ZIM2: variants seen among roughly 807,000 people sequenced by gnomAD.
The protein encoded by ZIM2 is zinc finger imprinted 2.
ZIM2 carries 14 observed loss-of-function variants against 38.6 expected under a neutral mutation model. The observed-to-expected ratio is 0.36, with a 90% CI of 0.24 to 0.57. The LOEUF (loss-of-function observed/expected upper bound fraction) is 0.57, where lower values mean the gene tolerates loss of function less well. ZIM2 is among the 20% of genes least tolerant of loss of function. ZIM2 has a pLI of 0.81. For synonymous variants in ZIM2, 247 were observed against 245.8 expected (o/e 1.00, Z -0.04); for missense variants, 680 against 695.1 (o/e 0.98, Z 0.24).
rs147031911 is a variant in ZIM2 at position 56,817,815 on chromosome 19, C to T, written c.421G>A (p.Gly141Ser). The T allele has an allele frequency of 1.9e-6, 3 of 1,613,932 alleles. No individual in the cohort carries two copies. Among genetic ancestry groups the T allele is most frequent in the African/African-American group, 1.3e-5 (1 of 74,888 alleles). The change falls in exon 9 of 13, where the codon GGC becomes AGC. Residue 141 changes from glycine (G) to serine (S), a missense_variant. Physicochemically the swap from Gly to Ser is moderately conservative, Grantham distance 56. Coordinates refer to ENST00000629319, the MANE Select transcript of ZIM2 (RefSeq NM_001387356.1). ...TGGCCCTGCGTCATGTGGGAGTGGC[C>T]ATCGTCTTCAGCAAGCTGCACTCCT... is the stretch of plus-strand genomic sequence containing the variant. ...SLGVQLAEDD[G>S]HSHMTQGHSS...
At chr19:56,789,162 A>G (rs1290955976) in intron 10 of ZIM2, among the ~76,000 whole-genome samples, 1 of 152,150 alleles carries the variant, frequency 6.6e-6, no homozygotes, top group African/African-American at 2.4e-5. Flanking sequence ...TAAATATGAA[A>G]CATTGCATCC....
At chr19:56,815,424 G>A (rs2146171489) in intron 9 of ZIM2, 1 of 1,614,110 alleles carries the variant, frequency 6.2e-7, no homozygotes, top group Non-Finnish European at 8.5e-7. Flanking sequence ...AGCTGCGAAT[G>A]ACAGACCATT....
In ZIM2 at chr19:56,782,101, T is replaced by TA. The variant is rs779487678; in HGVS notation, c.590dup (p.Leu197PhefsTer8). The stretch of plus-strand genomic sequence containing the variant: ...ACTCCTCAAACACCAGAAATGTTCC[T>TA]AAGTGTTTGAAGTCCGGGAACTATC... On this transcript the variant is annotated frameshift_variant, in exon 11 of 13. Coordinates refer to ENST00000629319, the MANE Select transcript of ZIM2 (RefSeq NM_001387356.1). LOFTEE classifies it high-confidence loss of function. The TA allele has an allele frequency of 6.2e-7, 1 of 1,613,832 alleles. No individual in the cohort carries two copies. Among genetic ancestry groups the TA allele is most frequent in the Admixed American group, 1.7e-5 (1 of 60,012 alleles).
rs1269616845 is a variant in ZIM2 at position 56,810,732 on chromosome 19, A to T, written c.490+7014T>A. ...TTTAAGACTTTATGCACACATATTTAACACTGTTATCACAAGCGTGTGCAC... is the reference window on the plus strand; with the variant it reads ...TTTAAGACTTTATGCACACATATTTTACACTGTTATCACAAGCGTGTGCAC... On this transcript the variant is annotated intron_variant, in intron 9 of 12. Transcript: ENST00000629319. 3.0e-6 allele frequency: 3 copies of T among 983,986 alleles called. No homozygotes were observed. The East Asian group carries it at 3.4e-4, about 111-fold the overall frequency. The allele number at this position is 983,986 out of a possible 1,614,324, so 61.0% of individuals were successfully genotyped here.
chr19:56,815,540 GC>G, intron 9 of ZIM2: 1 of 1,614,036 alleles, frequency 6.2e-7, no homozygotes, highest in Non-Finnish European at 8.5e-7. Flanking sequence ...CATTCATAGA[GC>G]ATCCCTCGAG....
At chr19:56,820,116 A>T (rs1332937270) in intron 7 of ZIM2, among the ~76,000 whole-genome samples, 2 of 152,246 alleles carry the variant, frequency 1.3e-5, no homozygotes, top group Non-Finnish European at 2.9e-5. Context: ...TTGTGTTTGT[A>T]ATCAACAATG....
chr19:56,824,979 TG>T (rs2060880497), intron 3 of ZIM2: 1 of 263,976 alleles, frequency 3.8e-6, no homozygotes, highest in Admixed American at 4.7e-5. Context: ...CTTGGGACTG[TG>T]GGCAACTTGT....
rs556435823 is a variant in ZIM2 at position 56,836,567 on chromosome 19, G to T, written c.-313-463C>A. Reference sequence around the variant, plus strand: ...AGTCCCACTGCACCTCAGAGTATGTGTTCAATCAATTAGAGGTCCCTGGGG... The same window carrying T: ...AGTCCCACTGCACCTCAGAGTATGTTTTCAATCAATTAGAGGTCCCTGGGG... On this transcript the variant is annotated intron_variant, in intron 1 of 12. Coordinates refer to ENST00000629319, the MANE Select transcript of ZIM2 (RefSeq NM_001387356.1). Among the ~76,000 whole-genome samples the T allele has an allele frequency of 1.7e-3, 265 of 152,298 alleles. 2 individuals are homozygous for T. The highest frequency in any genetic ancestry group is 6.0e-3 in the African/African-American group (251 of 41,558).
chr19:56,821,658 C>G lies in ZIM2; in HGVS notation c.287G>C (p.Arg96Pro), dbSNP rs138565582. The change falls in exon 7 of 13, where the codon CGA becomes CCA. Residue 96 changes from arginine to proline, a missense_variant. By Grantham distance (103) the Arg-to-Pro change is moderately radical (BLOSUM62 -2). Transcript: ENST00000629319. ...DDRDSRAYES[R>P]SQDAESYQNV... ...GAGGAAACCTGAGCATACCTGAGAT[C>G]GGGACTCATAAGCCCTGGAGTCCCT... is the stretch of plus-strand genomic sequence containing the variant. 2,291 of 1,613,858 alleles carry G rather than the reference C, an allele frequency of 1.4e-3. 4 individuals are homozygous for G. The highest frequency in any genetic ancestry group is 2.6e-3 in the Admixed American group (159 of 60,012).
intron 2 of ZIM2, among the ~76,000 whole-genome samples, chr19:56,832,213 C>T (rs1476844809): frequency 2.0e-5 from 3 of 152,200 alleles, no homozygotes; most frequent in Admixed American, 6.5e-5. Context: ...ATTACTGTTT[C>T]CTAGCGTGTT....
At chr19:56,803,591 G>A (rs1258232389) in intron 9 of ZIM2, among the ~76,000 whole-genome samples, 1 of 152,230 alleles carries the variant, frequency 6.6e-6, no homozygotes, top group Non-Finnish European at 1.5e-5. Flanking sequence ...GGGCTATTTG[G>A]AAGGAAAGGG....
chr19:56,774,635 C>G lies in ZIM2; in HGVS notation c.*53G>C. 1.3e-6 allele frequency: 2 copies of G among 1,578,006 alleles called. No individual in the cohort carries two copies. The highest frequency in any genetic ancestry group is 1.7e-6 in the Non-Finnish European group (2 of 1,161,372). ...AAGGCCTTCTCACACTCACAACACT[C>G]TAGGAGGAAGCCAATAATGTTGAGA... On this transcript the variant is annotated 3_prime_UTR_variant, in exon 13 of 13. Transcript: ENST00000629319.
chr19:56,836,537 G>T (rs1275761082), intron 1 of ZIM2, among the ~76,000 whole-genome samples: 1 of 152,180 alleles, frequency 6.6e-6, no homozygotes, highest in Non-Finnish European at 1.5e-5. Context: ...ATAGGACATA[G>T]TCCAAGTCCC....
chr19:56,812,021 G>A, intron 9 of ZIM2: 8 of 984,634 alleles, frequency 8.1e-6, no homozygotes, highest in Non-Finnish European at 9.6e-6. Context: ...CCCTAATCCT[G>A]CAGATCCAGA....
chr19:56,790,859 G>A (rs571542548), intron 9 of ZIM2, among the ~76,000 whole-genome samples: 2 of 152,196 alleles, frequency 1.3e-5, no homozygotes, highest in Admixed American at 6.5e-5. Context: ...ACATATGTAA[G>A]GCACACAGTA....
At chr19:56,831,820 A>G (rs2061593906) in intron 2 of ZIM2, among the ~76,000 whole-genome samples, 1 of 152,230 alleles carries the variant, frequency 6.6e-6, no homozygotes. Flanking sequence ...CTATTAATAA[A>G]TCTTAAAATC....
intron 10 of ZIM2, among the ~76,000 whole-genome samples, chr19:56,785,513 AAGAACACTGG>A (rs1326874628): frequency 6.6e-6 from 1 of 152,214 alleles, no homozygotes; most frequent in Admixed American, 6.5e-5. Flanking sequence ...ATGACTTAAC[AAGAACACTGG>A]AGAACATTTT....
At chr19:56,800,316 C>G (rs977195551) in intron 9 of ZIM2, among the ~76,000 whole-genome samples, 2 of 151,952 alleles carry the variant, frequency 1.3e-5, no homozygotes, top group African/African-American at 2.4e-5. Flanking sequence ...ATAATAAATA[C>G]TCATTAGATG....
At chr19:56,801,341 AAC>A (rs1340286752) in intron 9 of ZIM2, among the ~76,000 whole-genome samples, 6 of 152,218 alleles carry the variant, frequency 3.9e-5, no homozygotes. Context: ...CTCTGCAGGC[AAC>A]ACACTCCCTC....
Sources: gnomAD v4.1 joint callset for allele counts (sites outside exome capture counted in the v4.1 genomes callset) on GRCh38, gnomAD v4.1.1 for gene constraint, MANE v1.5 for transcripts, NCBI Gene and HGNC (gene_info 2026-07-23, HGNC 2026-07-21) for gene names.